The following ST6GAL2 variants were observed in gnomAD, a reference collection of about 807,000 sequenced individuals.
The protein encoded by ST6GAL2 is beta-galactoside alpha-2,6-sialyltransferase 2.
ST6GAL2 carries 24 observed loss-of-function variants against 37.5 expected under a neutral mutation model. The observed-to-expected ratio is 0.64, with a 90% CI of 0.46 to 0.90. The LOEUF (loss-of-function observed/expected upper bound fraction) is 0.90, where lower values mean the gene tolerates loss of function less well. Among genes scored for constraint, ST6GAL2 ranks in the 40% least tolerant of loss-of-function variants. The pLI, the probability that ST6GAL2 is intolerant of heterozygous loss-of-function variation, is 0.00. For synonymous variants in ST6GAL2, 306 were observed against 295.1 expected, an observed-to-expected ratio of 1.04 and a Z score of -0.38; for missense variants, 715 against 712.7, an observed-to-expected ratio of 1.00 and a Z score of -0.04.
Position 106,806,477 on chromosome 2 carries a change from T to G in ST6GAL2, c.*201A>C. The G allele has an allele frequency of 3.2e-6, 2 of 615,694 alleles. No individual in the cohort carries two copies. The highest frequency in any genetic ancestry group is 5.4e-6 in the Non-Finnish European group (2 of 373,622). The allele number at this position is 615,694 out of a possible 1,614,324, so 38.1% of individuals were successfully genotyped here. On this transcript the variant is annotated 3_prime_UTR_variant, in exon 6 of 6. Transcript: ENST00000409382. ...GTTTTGCATCTTTCTTGAGCCTTAT[T>G]TTTTTAAAAAAACCATTTCTATGTT...
intron 5 of ST6GAL2, 64 bp from the exon 6 acceptor site, chr2:106,807,013 GGGGGA>G: frequency 7.0e-7 from 1 of 1,429,668 alleles, no homozygotes; most frequent in Non-Finnish European, 9.5e-7. Flanking sequence ...TGAGTTTTTT[GGGGGA>G]GGGGTGGTGG....
intron 5 of ST6GAL2, among the ~76,000 whole-genome samples, chr2:106,814,898 G>C (rs1266037543): frequency 6.6e-6 from 1 of 152,222 alleles, no homozygotes; most frequent in African/African-American, 2.4e-5. Flanking sequence ...GGATGAAAGA[G>C]AGAAATGCTC....
upstream of ST6GAL2, chr2:106,887,033 GC>G (rs1372713085): frequency 6.6e-6 from 1 of 152,392 alleles, no homozygotes; most frequent in Non-Finnish European, 1.5e-5. Context: ...CGGGTCCCGG[GC>G]GGCGGCAGGA....
chr2:106,865,442 G>A (rs1677983865), intron 1 of ST6GAL2, among the ~76,000 whole-genome samples: 2 of 152,304 alleles, frequency 1.3e-5, no homozygotes, highest in East Asian at 1.9e-4. Context: ...CTGACGTGCT[G>A]TACATGTGCA....
chr2:106,832,583 A>G lies in ST6GAL2; in HGVS notation c.1125T>C (p.Tyr375=). Reference sequence around the variant, plus strand: ...CACTTACCAGGTTAAGATTTGCGGAATATGGGGCAGGGTCCCAGGCCACCA... The same window carrying G: ...CACTTACCAGGTTAAGATTTGCGGAGTATGGGGCAGGGTCCCAGGCCACCA... ...VILVAWDPAP[Y]SANLNLWYKK... Residue 375 remains tyrosine (Y), a synonymous_variant, in exon 4 of 6, where the codon TAT becomes TAC. Coordinates refer to ENST00000409382, the MANE Select transcript of ST6GAL2 (RefSeq NM_001142351.2). 1 of 1,589,384 alleles carries G rather than the reference A, an allele frequency of 6.3e-7. No homozygotes were observed. Among genetic ancestry groups the G allele is most frequent in the East Asian group, 2.3e-5 (1 of 44,324 alleles).
intron 5 of ST6GAL2, among the ~76,000 whole-genome samples, chr2:106,819,797 C>A (rs1013843432): frequency 2.0e-5 from 3 of 151,524 alleles, no homozygotes; most frequent in African/African-American, 7.3e-5. Flanking sequence ...TTTCAAGATA[C>A]AGACATTAAA....
Position 106,804,245 on chromosome 2 carries a change from T to C in ST6GAL2, c.*2433A>G, listed in dbSNP as rs535004767. 1.3e-5 allele frequency: 2 copies of C among 152,230 alleles called. No homozygotes were observed. The highest frequency in any genetic ancestry group is 4.8e-5 in the African/African-American group (2 of 41,588). The allele number at this position is 152,230 out of a possible 1,614,324, so 9.4% of individuals were successfully genotyped here. On this transcript the variant is annotated 3_prime_UTR_variant, in exon 6 of 6. Transcript: ENST00000409382. ...ATTCCATTTAAAAATCTTTAAAGTG[T>C]TGGGTTCTGAGGCTTTTGAACTTGA...
At chr2:106,827,371 G>A (rs1676248956) in intron 5 of ST6GAL2, among the ~76,000 whole-genome samples, 1 of 152,164 alleles carries the variant, frequency 6.6e-6, no homozygotes, top group South Asian at 2.1e-4. Flanking sequence ...AGTCTCGTGA[G>A]TCATCAGAAG....
intron 5 of ST6GAL2, among the ~76,000 whole-genome samples, chr2:106,811,725 A>T (rs1675616626): frequency 6.6e-6 from 1 of 152,182 alleles, no homozygotes. Context: ...TACCAACAGC[A>T]CACAGCTCTC....
At chr2:106,886,697 G>A (rs1679014378), upstream of ST6GAL2, 1 of 151,148 alleles carries the variant, frequency 6.6e-6, no homozygotes, top group African/African-American at 2.4e-5. Flanking sequence ...CTCCCTCTCC[G>A]CGATCCCTTT....
At chr2:106,869,903 G>C (rs531087142) in intron 1 of ST6GAL2, among the ~76,000 whole-genome samples, 1 of 152,188 alleles carries the variant, frequency 6.6e-6, no homozygotes, top group African/African-American at 2.4e-5. Context: ...CAAGGCACCT[G>C]ACCTTTGAGC....
chr2:106,833,086 A>G (rs948077779), intron 3 of ST6GAL2, among the ~76,000 whole-genome samples: 6 of 152,130 alleles, frequency 3.9e-5, no homozygotes, highest in African/African-American at 1.4e-4. Context: ...CTGTGGCCCT[A>G]CCTAGTTCTA....
intron 5 of ST6GAL2, among the ~76,000 whole-genome samples, chr2:106,825,616 A>C (rs1478237150): frequency 6.6e-6 from 1 of 152,252 alleles, no homozygotes; most frequent in Admixed American, 6.5e-5. Context: ...TCATTCATTC[A>C]CCAAGTAATT....
intron 1 of ST6GAL2, among the ~76,000 whole-genome samples, chr2:106,854,057 GC>G (rs1297612799): frequency 6.6e-6 from 1 of 152,206 alleles, no homozygotes; most frequent in East Asian, 1.9e-4. Context: ...ATGTATACCT[GC>G]CATTGGGACT....
chr2:106,835,221 G>GC (rs1676586843), intron 2 of ST6GAL2, among the ~76,000 whole-genome samples: 1 of 152,196 alleles, frequency 6.6e-6, no homozygotes, highest in Non-Finnish European at 1.5e-5. Context: ...TCGGCCTGGA[G>GC]CAAGGACAGT....
At chr2:106,851,673 T>TC (rs1188454208) in intron 1 of ST6GAL2, among the ~76,000 whole-genome samples, 5 of 122,478 alleles carry the variant, frequency 4.1e-5, no homozygotes, top group Non-Finnish European at 8.7e-5. Context: ...TTTCTTTCTT[T>TC]TTTTTTTTTT....
upstream of ST6GAL2, among the ~76,000 whole-genome samples, chr2:106,887,269 C>A (rs1679043288): frequency 6.6e-6 from 1 of 152,046 alleles, no homozygotes; most frequent in Non-Finnish European, 1.5e-5. Context: ...CTCAACCAGG[C>A]TCCGCACTGC....
rs67548358 is a variant in ST6GAL2, at chr2:106,826,539, CAA to C, written c.1318+3525_1318+3526del. Among the ~76,000 whole-genome samples, 614 of 103,394 alleles carry C rather than the reference CAA, an allele frequency of 5.9e-3. 4 individuals are homozygous for C. Among genetic ancestry groups the C allele is most frequent in the Middle Eastern group, 0.017 (3 of 178 alleles). The allele number at this position is 103,394 out of a possible 152,430, so 67.8% of individuals were successfully genotyped here. A position where few individuals can be genotyped will look rare whatever the true frequency, so the allele number is the denominator to read the frequency against. Reference sequence around the variant, plus strand: ...TGAGTAACACAGCGAGACTCCGTCTCAAAAAAAAAAAAAAAAAAATCAGAAAA... The same window carrying C: ...TGAGTAACACAGCGAGACTCCGTCTCAAAAAAAAAAAAAAAAATCAGAAAA... On this transcript the variant is annotated intron_variant, in intron 5 of 5. Transcript: ENST00000409382.
intron 1 of ST6GAL2, among the ~76,000 whole-genome samples, chr2:106,883,705 T>A (rs1678843294): frequency 6.6e-6 from 1 of 152,116 alleles, no homozygotes; most frequent in African/African-American, 2.4e-5. Flanking sequence ...TTAATTTAAT[T>A]TAAGCAATTA....
Sources: allele counts gnomAD v4.1 joint callset (sites outside exome capture counted in the v4.1 genomes callset), GRCh38; gene constraint gnomAD v4.1.1; transcripts MANE v1.5; gene names NCBI Gene and HGNC (gene_info 2026-07-23, HGNC 2026-07-21).